Variants in SNX25 observed in about 807,000 individuals in gnomAD.
The protein encoded by SNX25 is sorting nexin 25, also known as sorting nexin-25.
SNX25 carries 62 observed loss-of-function variants against 113.7 expected under a neutral mutation model. The observed-to-expected ratio is 0.55, with a 90% CI of 0.44 to 0.67. SNX25 has a LOEUF of 0.67. Ranked by LOEUF, SNX25 falls within the 30% of genes least tolerant of loss-of-function variation. SNX25 has a pLI of 0.00. For missense variants in SNX25, 1,014 were observed against 1,161.0 expected (o/e 0.87, Z 1.84); for synonymous variants, 421 against 436.2 (o/e 0.97, Z 0.43).
chr4:185,312,478 A>G (rs894445994), intron 7 of SNX25, among the ~76,000 whole-genome samples: 40 of 151,902 alleles, frequency 2.6e-4, no homozygotes, highest in Admixed American at 2.6e-3. Context: ...GGCAGTGTCT[A>G]CTAGAAGTAG....
chr4:185,317,664 C>A (rs1469392101), intron 7 of SNX25, among the ~76,000 whole-genome samples: 1 of 152,072 alleles, frequency 6.6e-6, no homozygotes, highest in East Asian at 1.9e-4. Context: ...AGTTCATGTC[C>A]TTGCAGGGAC....
At chr4:185,253,966 T>C (rs1162679531) in intron 2 of SNX25, among the ~76,000 whole-genome samples, 2 of 152,302 alleles carry the variant, frequency 1.3e-5, no homozygotes, top group South Asian at 2.1e-4. Context: ...ACAGAACTTT[T>C]ATGTAGAACT....
downstream of SNX25, chr4:185,364,697 A>G (rs1243672316): frequency 1.3e-5 from 2 of 152,074 alleles, no homozygotes; most frequent in African/African-American, 4.8e-5. Context: ...ATGATATTTG[A>G]CACTTAAAAA....
chr4:185,334,707 C>T lies in SNX25; in HGVS notation c.1914+1948C>T, dbSNP rs2095218184. Among the ~76,000 whole-genome samples the T allele has an allele frequency of 6.6e-6, 1 of 152,310 alleles. No individual in the cohort carries two copies. The highest frequency in any genetic ancestry group is 2.4e-5 in the African/African-American group (1 of 41,562). Reference sequence around the variant, plus strand: ...TTTTCTGCTTGGTTTGTTTGAAAGACATTATTCAGCCTTTCTTAAAATAAC... The same window carrying T: ...TTTTCTGCTTGGTTTGTTTGAAAGATATTATTCAGCCTTTCTTAAAATAAC... On this transcript the variant is annotated intron_variant, in intron 10 of 18. Transcript: ENST00000652585. This position sits in a 1 kb window ranked among gnomAD's most constrained non-coding sequence, Gnocchi z 4.2.
At chr4:185,205,636 C>G (rs1737154793), upstream of SNX25, among the ~76,000 whole-genome samples, 1 of 152,108 alleles carries the variant, frequency 6.6e-6, no homozygotes. Flanking sequence ...CCAGACCAGC[C>G]TGGCCAACAT....
chr4:185,228,268 A>C (rs1741312839), intron 1 of SNX25, among the ~76,000 whole-genome samples: 1 of 152,130 alleles, frequency 6.6e-6, no homozygotes, highest in Admixed American at 6.6e-5. Context: ...GTTAAGGGAA[A>C]GATGGAAAAG....
At chr4:185,324,487 T>C (rs892710946) in intron 9 of SNX25, among the ~76,000 whole-genome samples, 1 of 152,064 alleles carries the variant, frequency 6.6e-6, no homozygotes, top group African/African-American at 2.4e-5. Flanking sequence ...AGGCTTGGAA[T>C]GTTTCTGTGT....
intron 5 of SNX25, 95 bp from the exon 6 acceptor site, chr4:185,287,917 T>TTAA: frequency 1.0e-6 from 1 of 972,528 alleles, no homozygotes; most frequent in South Asian, 1.7e-5. Flanking sequence ...AGCTCCTGTG[T>TTAA]TACATTTGTT....
intron 6 of SNX25, among the ~76,000 whole-genome samples, chr4:185,304,723 A>G (rs1193813493): frequency 4.6e-5 from 7 of 152,164 alleles, no homozygotes; most frequent in Non-Finnish European, 1.0e-4. Context: ...TCCTGGCCTC[A>G]AGCCATCCTC....
chr4:185,349,921 G>GA (rs1438041127), intron 13 of SNX25, among the ~76,000 whole-genome samples: 2 of 152,238 alleles, frequency 1.3e-5, no homozygotes, highest in African/African-American at 4.8e-5. Context: ...AGGACATCAA[G>GA]ATGGGGGAGA....
At chr4:185,290,537 C>A (rs1006326502) in intron 6 of SNX25, among the ~76,000 whole-genome samples, 1 of 152,172 alleles carries the variant, frequency 6.6e-6, no homozygotes, top group African/African-American at 2.4e-5. Flanking sequence ...TATAATGCTC[C>A]AGTGGATTTT....
intron 16 of SNX25, among the ~76,000 whole-genome samples, chr4:185,361,006 A>C (rs2095360674): frequency 6.6e-6 from 1 of 151,592 alleles, no homozygotes; most frequent in African/African-American, 2.4e-5. Context: ...CTGGGTAACC[A>C]AATAAAATGC....
chr4:185,204,780 G>A (rs960398562), upstream of SNX25, among the ~76,000 whole-genome samples: 1 of 152,242 alleles, frequency 6.6e-6, no homozygotes, highest in Non-Finnish European at 1.5e-5. Flanking sequence ...AGAGGTTGGA[G>A]TGATGTCAGA....
chr4:185,235,826 C>G (rs983621872), intron 1 of SNX25, among the ~76,000 whole-genome samples: 1 of 152,188 alleles, frequency 6.6e-6, no homozygotes, highest in African/African-American at 2.4e-5. Flanking sequence ...TTGAGCCCTG[C>G]GGAGACTGTC....
At chr4:185,241,360 C>T (rs1353143728) in intron 1 of SNX25, among the ~76,000 whole-genome samples, 1 of 151,370 alleles carries the variant, frequency 6.6e-6, no homozygotes, top group Non-Finnish European at 1.5e-5. Context: ...CGCCTGCAAT[C>T]GCAGGCACTC....
rs554029871 is a variant in SNX25 at position 185,252,892 on chromosome 4, C to A, written c.514+5514C>A. On this transcript the variant is annotated intron_variant, in intron 2 of 18. Coordinates refer to ENST00000652585, the MANE Select transcript of SNX25 (RefSeq NM_001378034.2). Reference sequence around the variant, plus strand: ...GCACACTTGAGGAAAGTGATCAAAGCATATGACTGCTCTGTTTTGTTAGCC... The same window carrying A: ...GCACACTTGAGGAAAGTGATCAAAGAATATGACTGCTCTGTTTTGTTAGCC... 5.3e-5 allele frequency among the ~76,000 whole-genome samples: 8 copies of A among 152,308 alleles called. No homozygotes were observed. In the East Asian group the frequency reaches 9.6e-4, roughly 18 times the overall value.
At chr4:185,352,736 C>G (rs1056487029) in intron 14 of SNX25, among the ~76,000 whole-genome samples, 1 of 152,182 alleles carries the variant, frequency 6.6e-6, no homozygotes, top group Non-Finnish European at 1.5e-5. Context: ...CCTTCCTCTG[C>G]TCGCCTGATG....
At chr4:185,265,835 G>C (rs1748002901) in intron 4 of SNX25, among the ~76,000 whole-genome samples, 1 of 152,040 alleles carries the variant, frequency 6.6e-6, no homozygotes, top group Admixed American at 6.6e-5. Flanking sequence ...TTAAATGGTA[G>C]AAAATTTTCA....
chr4:185,367,782 G>T (rs1318815571), downstream of SNX25, among the ~76,000 whole-genome samples: 4 of 152,120 alleles, frequency 2.6e-5, no homozygotes, highest in Non-Finnish European at 4.4e-5. Context: ...TATTTGCTTG[G>T]TTGCTTCCAG....
Sources: gnomAD v4.1 joint callset for allele counts (sites outside exome capture counted in the v4.1 genomes callset) on GRCh38, gnomAD v4.1.1 for gene constraint, Gnocchi (gnomAD v3.1) non-coding constraint, MANE v1.5 for transcripts, NCBI Gene and HGNC (gene_info 2026-07-23, HGNC 2026-07-21) for gene names.